NAPB: variants seen among roughly 807,000 people sequenced by gnomAD.
The protein encoded by NAPB is beta-soluble NSF attachment protein.
In NAPB, 26 loss-of-function variants were observed where a neutral mutation model predicts 44.7. The ratio of observed to expected loss-of-function variants is 0.58; its 90% CI spans 0.43 to 0.81. NAPB has a LOEUF of 0.81. Ranked by LOEUF, NAPB falls within the 30% of genes least tolerant of loss-of-function variation. The pLI, the probability that NAPB is intolerant of heterozygous loss-of-function variation, is 0.00. For missense variants in NAPB, 315 were observed against 356.4 expected (o/e 0.88, Z 0.94); for synonymous variants, 120 against 116.8 (o/e 1.03, Z -0.18).
At chr20:23,421,045 G>A (rs1398572467) in intron 1 of NAPB, among the ~76,000 whole-genome samples, 4 of 151,190 alleles carry the variant, frequency 2.6e-5, no homozygotes, top group Non-Finnish European at 1.5e-5. Flanking sequence ...GGGAGGATGC[G>A]GGGTTTCCAG....
At position 23,394,905 on chromosome 20, in the gene NAPB, G is replaced by C. The variant is rs770540114; in HGVS notation, c.420+17C>G. ...ATCTGCCTGCTTCACATCTGAGGAA[G>C]TGTGCCCACTGCTTACCTTCTCAAT... is the stretch of plus-strand genomic sequence containing the variant. On this transcript the variant is annotated intron_variant, in intron 5 of 10. Transcript: ENST00000377026. The C allele has an allele frequency of 6.2e-7, 1 of 1,609,950 alleles. No homozygotes were observed. The highest frequency in any genetic ancestry group is 1.3e-5 in the African/African-American group (1 of 74,976).
rs909924903 is a variant in NAPB, at chr20:23,384,639, G to A, written c.562-3322C>T. Reference sequence around the variant, plus strand: ...CCAGTCTCAAAAAAAAAGAAAGAAAGAAAAAAAAGAAAAGCAACCCATAAA... The same window carrying A: ...CCAGTCTCAAAAAAAAAGAAAGAAAAAAAAAAAAGAAAAGCAACCCATAAA... On this transcript the variant is annotated intron_variant, in intron 7 of 10. Coordinates refer to ENST00000377026, the MANE Select transcript of NAPB (RefSeq NM_022080.3). 6.7e-5 allele frequency among the ~76,000 whole-genome samples: 10 copies of A among 150,188 alleles called. No homozygotes were observed. In the South Asian group the frequency reaches 1.1e-3, roughly 16 times the overall value.
chr20:23,376,187 G>C lies in NAPB; in HGVS notation c.*1189C>G, dbSNP rs374343110. 4.6e-5 allele frequency: 7 copies of C among 152,122 alleles called. No individual in the cohort carries two copies. Among genetic ancestry groups the C allele is most frequent in the African/African-American group, 1.7e-4 (7 of 41,416 alleles). The allele number at this position is 152,122 out of a possible 1,614,324, so 9.4% of individuals were successfully genotyped here. On this transcript the variant is annotated 3_prime_UTR_variant, in exon 11 of 11. Transcript: ENST00000377026. ...TTCAGAGGACATTCAGGAGACAAGC[G>C]TATGTCTAAAGTACAATATCAGCAT...
At chr20:23,400,378 T>C (rs1984743830) in intron 2 of NAPB, among the ~76,000 whole-genome samples, 1 of 152,006 alleles carries the variant, frequency 6.6e-6, no homozygotes, top group African/African-American at 2.4e-5. Context: ...TAGCTGGGCG[T>C]GGTGGCACAT....
In NAPB at chr20:23,377,403, A is replaced by G; in HGVS notation, c.870T>C (p.Asp290=). 1 of 1,596,490 alleles carries G rather than the reference A, an allele frequency of 6.3e-7. No individual in the cohort carries two copies. The highest frequency in any genetic ancestry group is 2.2e-5 in the East Asian group (1 of 44,548). The change falls in exon 11 of 11, where the codon GAT becomes GAC. Residue 290 remains aspartate (D), a synonymous_variant. Transcript: ENST00000377026. ...ATTTTAGGTCTCCATCTCCTTCTCC[A>G]TCCCCTTGGATGGACTTTTTGATGC... ...LLRIKKSIQG[D]GEGDGDLK
chr20:23,402,711 T>C (rs944864966), intron 2 of NAPB, among the ~76,000 whole-genome samples: 1 of 152,230 alleles, frequency 6.6e-6, no homozygotes, highest in African/African-American at 2.4e-5. Flanking sequence ...CAAGTAATTT[T>C]AACTATTTTA....
At position 23,403,017 on chromosome 20, in the gene NAPB, A is replaced by G; in HGVS notation, c.154T>C (p.Phe52Leu). ...CCACTCCAATTTTTAGCCATCTTGA[A>G]CATATTTGCAGCTCTGGTATACATT... ...CEMYTRAANM[F>L]KMAKNWSAAG... is the part of the protein sequence containing the mutation. Residue 52 changes from phenylalanine to leucine, a missense_variant, in exon 2 of 11, where the codon TTC becomes CTC. Phe to Leu is a conservative substitution (Grantham distance 22, BLOSUM62 0). Transcript: ENST00000377026. 1 of 1,613,894 alleles carries G rather than the reference A, an allele frequency of 6.2e-7. No homozygotes were observed. Among genetic ancestry groups the G allele is most frequent in the African/African-American group, 1.3e-5 (1 of 75,050 alleles).
In NAPB at chr20:23,406,248, G is replaced by A. The variant is rs573124396; in HGVS notation, c.99-3176C>T. Among the ~76,000 whole-genome samples the A allele has an allele frequency of 3.9e-5, 6 of 152,232 alleles. No individual in the cohort carries two copies. The South Asian group carries it at 1.2e-3, about 32-fold the overall frequency. ...GCTAAGGTTATTGTGTTACAGCAGCGCAAAGCAGGCAAAGACATCTAGAGG... is the reference window on the plus strand; with the variant it reads ...GCTAAGGTTATTGTGTTACAGCAGCACAAAGCAGGCAAAGACATCTAGAGG... On this transcript the variant is annotated intron_variant, in intron 1 of 10. Coordinates refer to ENST00000377026, the MANE Select transcript of NAPB (RefSeq NM_022080.3).
rs531675067 is a variant in NAPB at position 23,400,334 on chromosome 20, T to C, written c.178+2659A>G. Among the ~76,000 whole-genome samples the C allele has an allele frequency of 3.0e-4, 45 of 152,228 alleles. 2 individuals are homozygous for C. The East Asian group carries it at 7.4e-3, about 25-fold the overall frequency. ...GAGTTCAAGACCAGCCTGGCCAACATGGAGAAACCCCATCTCTACTAAAAA... is the reference window on the plus strand; with the variant it reads ...GAGTTCAAGACCAGCCTGGCCAACACGGAGAAACCCCATCTCTACTAAAAA... On this transcript the variant is annotated intron_variant, in intron 2 of 10. Coordinates refer to ENST00000377026, the MANE Select transcript of NAPB (RefSeq NM_022080.3).
chr20:23,416,786 T>A (rs1267316091), intron 1 of NAPB, among the ~76,000 whole-genome samples: 1 of 152,218 alleles, frequency 6.6e-6, no homozygotes. Flanking sequence ...ATGCTTCACC[T>A]ATGTTATCAC....
intron 1 of NAPB, among the ~76,000 whole-genome samples, chr20:23,416,075 T>A (rs558163819): frequency 6.6e-6 from 1 of 152,310 alleles, no homozygotes; most frequent in Admixed American, 6.5e-5. Context: ...AACATCAGCA[T>A]TTGTATTAGC....
At chr20:23,396,179 G>C (rs1984349394) in intron 3 of NAPB, among the ~76,000 whole-genome samples, 1 of 152,104 alleles carries the variant, frequency 6.6e-6, no homozygotes, top group South Asian at 2.1e-4. Flanking sequence ...TTCTTTAATT[G>C]ACATGTAAAC....
intron 1 of NAPB, among the ~76,000 whole-genome samples, chr20:23,420,074 A>C (rs1344670633): frequency 6.6e-6 from 1 of 152,204 alleles, no homozygotes; most frequent in Non-Finnish European, 1.5e-5. Context: ...ACAGCAAAGG[A>C]TCTTTCACTT....
chr20:23,386,476 CAA>C (rs1385421895), intron 7 of NAPB, among the ~76,000 whole-genome samples: 3 of 152,278 alleles, frequency 2.0e-5, no homozygotes, highest in Middle Eastern at 3.4e-3. Context: ...CAAAACCAGA[CAA>C]AGACACCACA....
chr20:23,399,863 A>G (rs967809750), intron 2 of NAPB, among the ~76,000 whole-genome samples: 5 of 152,238 alleles, frequency 3.3e-5, no homozygotes, highest in African/African-American at 1.2e-4. Context: ...CCTGACTCAC[A>G]TTACACACGG....
At chr20:23,412,823 G>A (rs1031607914) in intron 1 of NAPB, among the ~76,000 whole-genome samples, 16 of 152,042 alleles carry the variant, frequency 1.1e-4, no homozygotes, top group Admixed American at 7.9e-4. Context: ...CGGTGAAACC[G>A]TGTCTCTACT....
chr20:23,418,417 C>A (rs1274563174), intron 1 of NAPB, among the ~76,000 whole-genome samples: 1 of 152,180 alleles, frequency 6.6e-6, no homozygotes, highest in Non-Finnish European at 1.5e-5. Context: ...TTCTAAACAT[C>A]TAAAATTGAT....
At chr20:23,386,696 C>A (rs1397148895) in intron 7 of NAPB, among the ~76,000 whole-genome samples, 1 of 152,160 alleles carries the variant, frequency 6.6e-6, no homozygotes, top group Non-Finnish European at 1.5e-5. Flanking sequence ...TCACTTATTA[C>A]TGTGGGGGGA....
chr20:23,383,335 A>G (rs1367892548), intron 7 of NAPB, among the ~76,000 whole-genome samples: 1 of 152,172 alleles, frequency 6.6e-6, no homozygotes, highest in Non-Finnish European at 1.5e-5. Flanking sequence ...TTTTGAAACT[A>G]AAAGAAAAAA....
Sources: gnomAD v4.1 joint callset for allele counts (sites outside exome capture counted in the v4.1 genomes callset) on GRCh38, gnomAD v4.1.1 for gene constraint, MANE v1.5 for transcripts, NCBI Gene and HGNC (gene_info 2026-07-23, HGNC 2026-07-21) for gene names.